Variants in MYCBP2 observed in about 807,000 individuals in gnomAD.
MYCBP2 encodes the protein MYC binding protein 2, also known as E3 ubiquitin-protein ligase MYCBP2.
MYCBP2 carries 120 observed loss-of-function variants against 525.3 expected under a neutral mutation model. The observed-to-expected ratio is 0.23, with a 90% CI of 0.20 to 0.27. MYCBP2 has a LOEUF of 0.27. MYCBP2 is among the 10% of genes least tolerant of loss of function. The pLI is 1.00. For missense variants in MYCBP2, 4,149 were observed against 5,657.1 expected (o/e 0.73, Z 8.55); for synonymous variants, 1,894 against 1,955.8 (o/e 0.97, Z 0.83).
At chr13:77,047,195 TTAC>T (rs1484789535) in intron 82 of MYCBP2, among the ~76,000 whole-genome samples, 2 of 152,226 alleles carry the variant, frequency 1.3e-5, no homozygotes, top group African/African-American at 4.8e-5. Context: ...ATCTGAGTGC[TTAC>T]TACTGAGGCA....
rs1364512886 is a variant in MYCBP2, at chr13:77,181,789, G to A, written c.4853C>T (p.Ser1618Leu). The A allele has an allele frequency of 6.2e-7, 1 of 1,614,048 alleles. No homozygotes were observed. Among genetic ancestry groups the A allele is most frequent in the Non-Finnish European group, 8.5e-7 (1 of 1,179,972 alleles). ...CTCTGTACTAACTTGTTTAACAATT[G>A]ATCGTAGTAATACTTCTCCATCATA... ...IAYDGEVLLR[S>L]IVKQVSTEND... Residue 1618 changes from serine to leucine, a missense_variant, in exon 33 of 83, where the codon TCA becomes TTA. Ser to Leu is a moderately radical substitution (Grantham distance 145). This residue lies in a region of MYCBP2 where 292 missense variants were observed against 330.5 expected (regional missense o/e 0.88). Coordinates refer to ENST00000544440, the MANE Select transcript of MYCBP2 (RefSeq NM_015057.5).
intron 1 of MYCBP2, among the ~76,000 whole-genome samples, chr13:77,311,448 TAATTATCCAACA>T (rs2080191962): frequency 6.6e-6 from 1 of 152,082 alleles, no homozygotes; most frequent in African/African-American, 2.4e-5. Context: ...GCACATGTTG[TAATTATCCAACA>T]ATGACTGGAA....
intron 67 of MYCBP2, 62 bp from the exon 68 acceptor site, chr13:77,076,911 G>T: frequency 1.5e-6 from 2 of 1,292,898 alleles, no homozygotes; most frequent in South Asian, 1.2e-5. Context: ...ATTGGCCAGA[G>T]GACTCATTAG....
chr13:77,318,538 G>A (rs1033377987), intron 1 of MYCBP2, among the ~76,000 whole-genome samples: 22 of 152,130 alleles, frequency 1.4e-4, no homozygotes, highest in African/African-American at 4.6e-4. Flanking sequence ...GGCGGATCAC[G>A]AGGTGAGGAG....
chr13:77,266,068 T>C (rs2074023975), intron 8 of MYCBP2, among the ~76,000 whole-genome samples: 1 of 152,006 alleles, frequency 6.6e-6, no homozygotes, highest in African/African-American at 2.4e-5. Context: ...CATTAACGAG[T>C]AATTTTTTTA....
chr13:77,080,586 TATG>T (rs1385552820), intron 65 of MYCBP2: 1 of 152,134 alleles, frequency 6.6e-6, no homozygotes, highest in Non-Finnish European at 1.5e-5. Context: ...GAATATAAAT[TATG>T]ATTATTTGGG....
At chr13:77,136,668 C>T (rs980119707) in intron 52 of MYCBP2, among the ~76,000 whole-genome samples, 1 of 152,126 alleles carries the variant, frequency 6.6e-6, no homozygotes, top group African/African-American at 2.4e-5. Flanking sequence ...AACAATATTT[C>T]AAATATTCAT....
At chr13:77,240,370 G>A (rs993944910) in intron 17 of MYCBP2, among the ~76,000 whole-genome samples, 3 of 152,152 alleles carry the variant, frequency 2.0e-5, no homozygotes, top group African/African-American at 7.2e-5. Context: ...CACTTTGGGA[G>A]GCTGAGGCAG....
intron 44 of MYCBP2, among the ~76,000 whole-genome samples, chr13:77,159,929 T>C (rs1595004868): frequency 6.6e-6 from 1 of 152,196 alleles, no homozygotes. Flanking sequence ...ATTTTGAATC[T>C]TAAGGTACAA....
chr13:77,065,875 A>G, intron 72 of MYCBP2, 117 bp downstream of exon 72: 1 of 612,034 alleles, frequency 1.6e-6, no homozygotes, highest in South Asian at 3.0e-5. Flanking sequence ...ACATACTACA[A>G]ATAGTCTTTA....
At chr13:77,233,935 C>G (rs1375363067) in intron 17 of MYCBP2, among the ~76,000 whole-genome samples, 2 of 151,558 alleles carry the variant, frequency 1.3e-5, no homozygotes, top group Non-Finnish European at 2.9e-5. Context: ...AAAGGGGGCA[C>G]CTAACCCAAA....
chr13:77,105,275 T>G (rs2154137919), intron 55 of MYCBP2, among the ~76,000 whole-genome samples: 2 of 152,206 alleles, frequency 1.3e-5, no homozygotes, highest in Admixed American at 1.3e-4. Context: ...ACTTATAAGA[T>G]GTTAGAGGTT....
chr13:77,243,394 C>T (rs1282163327), intron 16 of MYCBP2, among the ~76,000 whole-genome samples: 1 of 152,168 alleles, frequency 6.6e-6, no homozygotes, highest in Non-Finnish European at 1.5e-5. Flanking sequence ...GGGCAGATCA[C>T]CTGAGGTCAG....
At chr13:77,201,650 T>A (rs2062580969) in intron 26 of MYCBP2, among the ~76,000 whole-genome samples, 2 of 149,538 alleles carry the variant, frequency 1.3e-5, no homozygotes, top group South Asian at 2.2e-4. Flanking sequence ...GAAGTAAAGC[T>A]CTCCTCAGCA....
intron 5 of MYCBP2, among the ~76,000 whole-genome samples, chr13:77,271,097 T>C (rs1172415298): frequency 1.3e-5 from 2 of 152,180 alleles, no homozygotes; most frequent in East Asian, 3.8e-4. Flanking sequence ...ATCATACTTT[T>C]GATATTTTCT....
rs1036147196 is a variant in MYCBP2 at position 77,304,799 on chromosome 13, C to T, written c.303-8125G>A. On this transcript the variant is annotated intron_variant, in intron 1 of 82. Coordinates refer to ENST00000544440, the MANE Select transcript of MYCBP2 (RefSeq NM_015057.5). ...AATAAAATGAAATAAATATAATAAA[C>T]CTAGAGCAAAAATGGTCAGGAAAAA... Among the ~76,000 whole-genome samples the T allele has an allele frequency of 9.2e-5, 14 of 151,516 alleles. 1 individual carries two copies. In the South Asian group the frequency reaches 2.7e-3, roughly 29 times the overall value.
In MYCBP2 at chr13:77,087,574, C is replaced by G; in HGVS notation, c.10785G>C (p.Trp3595Cys). 1 of 1,613,162 alleles carries G rather than the reference C, an allele frequency of 6.2e-7. No homozygotes were observed. ...IQTTSLHDILWHFVASLTPAP... is the reference protein window; with the variant it reads ...IQTTSLHDILCHFVASLTPAP... ...CAGGAGTCAGTGATGCCACAAAATG[C>G]CACAGAATATCATGGAGAGAAGTGG... Residue 3595 changes from tryptophan to cysteine, a missense_variant, in exon 62 of 83, where the codon TGG becomes TGC. By Grantham distance (215) the Trp-to-Cys change is radical (BLOSUM62 -2). This residue lies in a region of MYCBP2 where 509 missense variants were observed against 789.4 expected (regional missense o/e 0.64). Coordinates refer to ENST00000544440, the MANE Select transcript of MYCBP2 (RefSeq NM_015057.5).
intron 23 of MYCBP2, 147 bp from the exon 24 acceptor site, chr13:77,206,972 CTAAACATA>C (rs148107342): frequency 0.036 from 21,558 of 599,946 alleles, 524 homozygotes; most frequent in East Asian, 0.068. Flanking sequence ...TGGATCTAAG[CTAAACATA>C]TAAAAAAACT....
At chr13:77,158,138 T>C (rs749463345) in intron 44 of MYCBP2, 29 bp from the exon 45 acceptor site, 7 of 1,408,108 alleles carry the variant, frequency 5.0e-6, no homozygotes, top group Non-Finnish European at 6.6e-6. Context: ...TATTTATATA[T>C]TCTTAAAAAT....
Sources: allele counts gnomAD v4.1 joint callset (sites outside exome capture counted in the v4.1 genomes callset), GRCh38; gene constraint gnomAD v4.1.1; regional missense constraint gnomAD v4.1.1; transcripts MANE v1.5; gene names NCBI Gene and HGNC (gene_info 2026-07-23, HGNC 2026-07-21).